Variants in AOPEP observed in about 807,000 individuals in gnomAD.
AOPEP encodes the protein aminopeptidase O.
Under a neutral mutation model 98.1 loss-of-function variants are expected in AOPEP, and 77 were observed. The observed-to-expected ratio is 0.78, with a 90% CI of 0.65 to 0.95. The LOEUF is 0.95. Ranked by LOEUF, AOPEP falls within the 40% of genes least tolerant of loss-of-function variation. AOPEP has a pLI of 0.00. For synonymous variants in AOPEP, 346 were observed against 365.3 expected (o/e 0.95, Z 0.60); for missense variants, 1,024 against 1,024.7 (o/e 1.00, Z 0.01).
the AOPEP span, chr9:95,114,516 G>A: frequency 2.1e-6 from 2 of 950,698 alleles, no homozygotes. Flanking sequence ...CACCTGTTTG[G>A]TGATGGTCCC....
At chr9:94,867,485 G>A (rs2135541015) in intron 5 of AOPEP, among the ~76,000 whole-genome samples, 1 of 152,330 alleles carries the variant, frequency 6.6e-6, no homozygotes, top group East Asian at 1.9e-4. Flanking sequence ...CAGAGGGAAA[G>A]AAAATACTGT....
At chr9:94,966,044 T>C (rs1422673404) in intron 9 of AOPEP, among the ~76,000 whole-genome samples, 1 of 148,152 alleles carries the variant, frequency 6.7e-6, no homozygotes, top group Non-Finnish European at 1.5e-5. Flanking sequence ...ATTTGCAGAC[T>C]TGGTTCTATT....
chr9:94,755,200 T>C (rs1488779964), intron 1 of AOPEP, among the ~76,000 whole-genome samples: 1 of 152,148 alleles, frequency 6.6e-6, no homozygotes, highest in Non-Finnish European at 1.5e-5. Context: ...TGACAGAGAA[T>C]GGAAAAATGC....
At chr9:95,133,580 C>A in the AOPEP span, among the ~76,000 whole-genome samples, 1 of 152,118 alleles carries the variant, frequency 6.6e-6, no homozygotes, top group African/African-American at 2.4e-5. Flanking sequence ...GCTGCTCAGG[C>A]ATGAGGGCCA....
At chr9:95,103,997 T>C in the AOPEP span, among the ~76,000 whole-genome samples, 2 of 152,162 alleles carry the variant, frequency 1.3e-5, no homozygotes, top group Admixed American at 1.3e-4. Flanking sequence ...GTGGCTGCGC[T>C]CGTGCTAGGT....
rs771534282 is a variant in AOPEP at position 95,034,146 on chromosome 9, T to A, written c.2116-26548T>A. On this transcript the variant is annotated intron_variant, in intron 13 of 16. Coordinates refer to ENST00000375315, the MANE Select transcript of AOPEP (RefSeq NM_001193329.3). ...TACTGCTTTATTCCAGGGTACCTAT[T>A]TGAAAACAAGGGAGTTTTCAGTTAT... Among the ~76,000 whole-genome samples, 9 of 152,340 alleles carry A rather than the reference T, an allele frequency of 5.9e-5. 2 individuals carry two copies. In the Middle Eastern group the frequency reaches 0.031, roughly 518 times the overall value.
intron 13 of AOPEP, among the ~76,000 whole-genome samples, chr9:95,025,195 C>T (rs1261220355): frequency 1.3e-5 from 2 of 152,180 alleles, no homozygotes; most frequent in East Asian, 1.9e-4. Context: ...GGTCTTATGG[C>T]TGGGGCAGTC....
chr9:94,940,199 T>C (rs938500683), intron 7 of AOPEP, among the ~76,000 whole-genome samples: 11 of 152,242 alleles, frequency 7.2e-5, no homozygotes, highest in African/African-American at 2.7e-4. Flanking sequence ...AACACAATAG[T>C]TTCTACCTTA....
chr9:95,092,235 G>T, the AOPEP span, among the ~76,000 whole-genome samples: 1 of 152,352 alleles, frequency 6.6e-6, no homozygotes, highest in Middle Eastern at 3.4e-3. Context: ...ACAAGGTCAG[G>T]GTTTGGCTTC....
At chr9:94,802,303 G>C (rs1848371976) in intron 5 of AOPEP, among the ~76,000 whole-genome samples, 1 of 152,086 alleles carries the variant, frequency 6.6e-6, no homozygotes, top group Admixed American at 6.5e-5. Context: ...CTATTTACTT[G>C]GGAGTTTTTA....
At chr9:94,734,055 T>C (rs1464402752) in intron 1 of AOPEP, among the ~76,000 whole-genome samples, 1 of 152,188 alleles carries the variant, frequency 6.6e-6, no homozygotes, top group Non-Finnish European at 1.5e-5. Context: ...ATGCCTTTTA[T>C]TTATTTATTT....
chr9:94,995,690 C>T (rs1165032685), intron 11 of AOPEP, among the ~76,000 whole-genome samples: 1 of 152,008 alleles, frequency 6.6e-6, no homozygotes, highest in Non-Finnish European at 1.5e-5. Context: ...AAATTGAAAC[C>T]CATAATTATA....
chr9:94,982,238 A>G (rs1335580378), intron 11 of AOPEP, among the ~76,000 whole-genome samples: 10 of 152,166 alleles, frequency 6.6e-5, no homozygotes, highest in African/African-American at 2.2e-4. Context: ...CCTTTCACTC[A>G]TTGTTCTGGG....
In AOPEP at chr9:95,005,179, G is replaced by A. The variant is rs2061894645; in HGVS notation, c.1999G>A (p.Ala667Thr). 1.7e-6 allele frequency: 2 copies of A among 1,151,522 alleles called. No individual in the cohort carries two copies. Among genetic ancestry groups the A allele is most frequent in the African/African-American group, 1.6e-5 (1 of 61,030 alleles). 71.3% of individuals were successfully genotyped at this position (1,151,522 alleles called of 1,614,324 possible). Reference sequence around the variant, plus strand: ...GCAGCCGCTGCAGAGGGAGCGTCGCGCCGGGGCGGAGTGCGGGCTTGCGCG... The same window carrying A: ...GCAGCCGCTGCAGAGGGAGCGTCGCACCGGGGCGGAGTGCGGGCTTGCGCG... ...IPKPLQRERR[A>T]GAECGLARQV... is the part of the protein sequence containing the mutation. The change falls in exon 12 of 17, where the codon GCC (alanine) becomes ACC (threonine). Residue 667 changes from alanine to threonine, a missense_variant. Physicochemically the swap from Ala to Thr is moderately conservative, Grantham distance 58. Coordinates refer to ENST00000375315, the MANE Select transcript of AOPEP (RefSeq NM_001193329.3).
chr9:94,933,259 G>C, intron 7 of AOPEP: 2 of 985,590 alleles, frequency 2.0e-6, no homozygotes, highest in Non-Finnish European at 2.4e-6. Context: ...TGTCTCCAGG[G>C]TGCAGCTGGA....
intron 1 of AOPEP, among the ~76,000 whole-genome samples, chr9:94,729,026 A>C (rs538180675): frequency 7.4e-4 from 113 of 152,202 alleles, no homozygotes; most frequent in African/African-American, 2.4e-3. Context: ...AGAAACATGA[A>C]GGGTTGCCTG....
At chr9:95,130,469 T>C in the AOPEP span, among the ~76,000 whole-genome samples, 1 of 152,256 alleles carries the variant, frequency 6.6e-6, no homozygotes, top group African/African-American at 2.4e-5. Flanking sequence ...GCTTTCCATC[T>C]ATCACCTTTC....
At chr9:95,127,971 T>A in the AOPEP span, among the ~76,000 whole-genome samples, 1 of 152,246 alleles carries the variant, frequency 6.6e-6, no homozygotes, top group African/African-American at 2.4e-5. Context: ...TGCTCCCTCA[T>A]CCTTCACTGA....
chr9:94,860,670 G>A (rs2044829006), intron 5 of AOPEP, among the ~76,000 whole-genome samples: 1 of 152,196 alleles, frequency 6.6e-6, no homozygotes, highest in Admixed American at 6.5e-5. Context: ...GAGATGTCAA[G>A]GGTGACTCCC....
Sources: gnomAD v4.1 joint callset for allele counts (sites outside exome capture counted in the v4.1 genomes callset) on GRCh38, gnomAD v4.1.1 for gene constraint, MANE v1.5 for transcripts, NCBI Gene and HGNC (gene_info 2026-07-23, HGNC 2026-07-21) for gene names.